The following ZFYVE26 variants were observed in gnomAD, a reference collection of about 807,000 sequenced individuals.
The protein encoded by ZFYVE26 is zinc finger FYVE-type containing 26.
Under a neutral mutation model 276.5 loss-of-function variants are expected in ZFYVE26, and 181 were observed. That is an observed-to-expected ratio of 0.65 (90% confidence interval 0.58 to 0.74). The LOEUF (loss-of-function observed/expected upper bound fraction) is 0.74. ZFYVE26 is among the 30% of genes least tolerant of loss of function. The pLI is 0.00. For missense variants in ZFYVE26, 2,821 were observed against 3,097.9 expected (o/e 0.91, Z 2.12); for synonymous variants, 1,129 against 1,203.1 (o/e 0.94, Z 1.27).
At chr14:67,745,646 C>G (rs2038474401), downstream of ZFYVE26, among the ~76,000 whole-genome samples, 1 of 151,978 alleles carries the variant, frequency 6.6e-6, no homozygotes, top group Non-Finnish European at 1.5e-5. Context: ...CCCAAAGACC[C>G]TACACCTGGT....
chr14:67,794,988 C>A (rs1315735270), intron 12 of ZFYVE26, among the ~76,000 whole-genome samples: 2 of 152,168 alleles, frequency 1.3e-5, no homozygotes, highest in East Asian at 1.9e-4. Flanking sequence ...TAAGACCTGG[C>A]TGGCCAAAGA....
At chr14:67,809,570 G>A (rs979507294) in intron 3 of ZFYVE26, among the ~76,000 whole-genome samples, 5 of 151,156 alleles carry the variant, frequency 3.3e-5, no homozygotes, top group Admixed American at 2.0e-4. Flanking sequence ...TTACAGGTGC[G>A]CACCACCACG....
chr14:67,791,893 C>G (rs976739194), intron 14 of ZFYVE26, among the ~76,000 whole-genome samples: 1 of 151,734 alleles, frequency 6.6e-6, no homozygotes, highest in Non-Finnish European at 1.5e-5. Context: ...AACCCCGTCT[C>G]TATTAAAAAT....
rs374188915 is a variant in ZFYVE26, at chr14:67,783,027, C to T, written c.4125G>A (p.Glu1375=). 112 of 1,614,098 alleles carry T rather than the reference C, an allele frequency of 6.9e-5. 1 individual carries two copies. Among genetic ancestry groups the T allele is most frequent in the Middle Eastern group, 3.3e-4 (2 of 6,084 alleles). The change falls in exon 21 of 42, where the codon GAG becomes GAA. Residue 1375 remains glutamate, a synonymous_variant. Coordinates refer to ENST00000347230, the MANE Select transcript of ZFYVE26 (RefSeq NM_015346.4). ...CCTGCTGCAAAGACCCTCGCAGGGG[C>T]TCCCAGGCAGCCAGGAGGAAGGCCT... is the stretch of plus-strand genomic sequence containing the variant. The part of the protein sequence containing the change: ...LFEAFLLAAW[E]PLRGSLQQGQ...
chr14:67,814,067 GA>G lies in ZFYVE26; in HGVS notation c.195-4del. 1 of 1,611,794 alleles carries G rather than the reference GA, an allele frequency of 6.2e-7. No individual in the cohort carries two copies. The highest frequency in any genetic ancestry group is 8.5e-7 in the Non-Finnish European group (1 of 1,178,118). On this transcript the variant is annotated splice_polypyrimidine_tract_variant and splice_region_variant and intron_variant, in intron 2 of 41. Transcript: ENST00000347230. ...GAGGGTTGATGTCCTGCCCACATCT[GA>G]AAAAGGTAAAAAGAAAGACTTGTAA...
intron 16 of ZFYVE26, 123 bp downstream of exon 16, chr14:67,789,212 T>C: frequency 7.2e-7 from 1 of 1,384,640 alleles, no homozygotes; most frequent in Admixed American, 1.7e-5. Flanking sequence ...TGTGACAAAA[T>C]TTCATAATCC....
intron 27 of ZFYVE26, 24 bp from the exon 28 acceptor site, chr14:67,772,234 G>C (rs748640605): frequency 1.9e-6 from 3 of 1,609,086 alleles, no homozygotes; most frequent in East Asian, 2.2e-5. Context: ...CCAGAGGTCA[G>C]AGTAAAAGGT....
chr14:67,772,228 A>G lies in ZFYVE26; in HGVS notation c.5321-18T>C. ...GGAGATACCTGGGAGGCAGAGCCAG[A>G]GGTCAGAGTAAAAGGTAATCAATAT... On this transcript the variant is annotated intron_variant, in intron 27 of 41. Coordinates refer to ENST00000347230, the MANE Select transcript of ZFYVE26 (RefSeq NM_015346.4). 1 of 1,610,706 alleles carries G rather than the reference A, an allele frequency of 6.2e-7. No homozygotes were observed. Among genetic ancestry groups the G allele is most frequent in the Non-Finnish European group, 8.5e-7 (1 of 1,178,596 alleles).
At chr14:67,804,304 A>G (rs2040135006) in intron 8 of ZFYVE26, 40 bp from the exon 9 acceptor site, 4 of 1,608,782 alleles carry the variant, frequency 2.5e-6, no homozygotes, top group Non-Finnish European at 1.7e-6. Context: ...GAGGCAGTTT[A>G]TATTATTGCT....
chr14:67,802,361 T>C (rs1025311128), intron 9 of ZFYVE26, 79 bp from the exon 10 acceptor site: 8 of 1,437,436 alleles, frequency 5.6e-6, no homozygotes, highest in African/African-American at 4.2e-5. Context: ...AAAGAGATGC[T>C]GTGCCATACT....
At chr14:67,778,020 G>A in intron 24 of ZFYVE26, 106 bp downstream of exon 24, 2 of 1,511,876 alleles carry the variant, frequency 1.3e-6, no homozygotes, top group Non-Finnish European at 1.8e-6. Context: ...GATCAGAAGA[G>A]GCATAGCTGA....
chr14:67,757,652 T>TTCTTTC (rs926657106), intron 35 of ZFYVE26, among the ~76,000 whole-genome samples: 8 of 22,338 alleles, frequency 3.6e-4, no homozygotes, highest in African/African-American at 8.0e-4. Context: ...CTTTCTTTCT[T>TTCTTTC]TCTTTCTTTC....
At chr14:67,751,138 C>A (rs79826935) in intron 40 of ZFYVE26, 42 bp from the exon 41 acceptor site, 13 of 1,613,100 alleles carry the variant, frequency 8.1e-6, no homozygotes, top group Non-Finnish European at 1.1e-5. Flanking sequence ...GAGAAGAGTC[C>A]CGCAGTCTGG....
chr14:67,771,648 A>C (rs1235136970), intron 28 of ZFYVE26, among the ~76,000 whole-genome samples: 1 of 152,226 alleles, frequency 6.6e-6, no homozygotes, highest in Non-Finnish European at 1.5e-5. Context: ...GTATAGTCAC[A>C]CTGTCATTAA....
exon 14 of ZFYVE26, chr14:67,729,448 T>C: frequency 6.7e-7 from 1 of 1,494,094 alleles, no homozygotes; most frequent in South Asian, 1.1e-5. Context: ...CGCTGGGCTG[T>C]TCATCCTGAG....
intron 10 of ZFYVE26, chr14:67,798,928 G>A: frequency 9.4e-7 from 1 of 1,064,986 alleles, no homozygotes; most frequent in Non-Finnish European, 1.4e-6. Flanking sequence ...GCTCCGCTTG[G>A]CGCCTCTGAT....
chr14:67,747,140 T>C lies in ZFYVE26; in HGVS notation c.*1296A>G, dbSNP rs2038504693. 1 of 152,624 alleles carries C rather than the reference T, an allele frequency of 6.6e-6. No individual in the cohort carries two copies. The highest frequency in any genetic ancestry group is 2.4e-5 in the African/African-American group (1 of 41,450). The allele number at this position is 152,624 out of a possible 1,614,324, so 9.5% of individuals were successfully genotyped here. On this transcript the variant is annotated 3_prime_UTR_variant, in exon 42 of 42. Coordinates refer to ENST00000347230, the MANE Select transcript of ZFYVE26 (RefSeq NM_015346.4). Reference sequence around the variant, plus strand: ...AGGTTCAGAGCTGCAGAGCTTTCTTTAGGCCCCACATTTGCAAATTGAAGT... The same window carrying C: ...AGGTTCAGAGCTGCAGAGCTTTCTTCAGGCCCCACATTTGCAAATTGAAGT...
chr14:67,778,294 G>GA, intron 23 of ZFYVE26, 46 bp from the exon 24 acceptor site: 1 of 1,613,082 alleles, frequency 6.2e-7, no homozygotes, highest in South Asian at 1.1e-5. Context: ...ATGACTGCCT[G>GA]ATTCTTCTCA....
At chr14:67,809,406 CTCTTTTTTT>C in intron 3 of ZFYVE26, 117 bp from the exon 4 acceptor site, 1 of 237,770 alleles carries the variant, frequency 4.2e-6, no homozygotes, top group South Asian at 4.9e-5. Context: ...AGATGAAGCA[CTCTTTTTTT>C]TTTTTTTTTT....
Sources: allele counts gnomAD v4.1 joint callset (sites outside exome capture counted in the v4.1 genomes callset), GRCh38; gene constraint gnomAD v4.1.1; transcripts MANE v1.5; gene names NCBI Gene and HGNC (gene_info 2026-07-23, HGNC 2026-07-21).